Variants in GALNT13 observed in about 807,000 individuals in gnomAD.
The protein encoded by GALNT13 is UDP-GalNAc:polypeptide N-acetylgalactosaminyltransferase 13.
GALNT13 carries 28 observed loss-of-function variants against 64.2 expected under a neutral mutation model. The observed-to-expected ratio is 0.44, with a 90% CI of 0.32 to 0.60. The LOEUF (loss-of-function observed/expected upper bound fraction) is 0.60, where lower values mean the gene tolerates loss of function less well. Ranked by LOEUF, GALNT13 falls within the 20% of genes least tolerant of loss-of-function variation. GALNT13 has a pLI of 0.05. For synonymous variants in GALNT13, 214 were observed against 224.6 expected, an observed-to-expected ratio of 0.95 and a Z score of 0.42; for missense variants, 577 against 669.8, an observed-to-expected ratio of 0.86 and a Z score of 1.53.
At chr2:153,557,386 T>G in the GALNT13 span, among the ~76,000 whole-genome samples, 1 of 152,190 alleles carries the variant, frequency 6.6e-6, no homozygotes, top group African/African-American at 2.4e-5. Flanking sequence ...AAGTGACTCA[T>G]GACTGTACAC....
chr2:153,336,740 TG>T, the GALNT13 span, among the ~76,000 whole-genome samples: 1 of 152,236 alleles, frequency 6.6e-6, no homozygotes, highest in Admixed American at 6.5e-5. Flanking sequence ...AAGGCATGAT[TG>T]GTTTTAAAAA....
chr2:153,738,327 T>A, the GALNT13 span, among the ~76,000 whole-genome samples: 1 of 152,038 alleles, frequency 6.6e-6, no homozygotes, highest in Non-Finnish European at 1.5e-5. Flanking sequence ...GTGCTCCCCA[T>A]GTCCCAACAT....
intron 3 of GALNT13, among the ~76,000 whole-genome samples, chr2:154,089,058 A>G (rs945289484): frequency 6.6e-6 from 1 of 152,046 alleles, no homozygotes; most frequent in Non-Finnish European, 1.5e-5. Context: ...TGATACTCTC[A>G]TGGAGCTACT....
At chr2:153,867,768 A>G (rs528639604), upstream of GALNT13, among the ~76,000 whole-genome samples, 5 of 151,968 alleles carry the variant, frequency 3.3e-5, no homozygotes, top group South Asian at 1.0e-3. Context: ...AGATTCTCAT[A>G]AGGAGCACAA....
chr2:154,249,421 T>C (rs1205251241), intron 7 of GALNT13, among the ~76,000 whole-genome samples: 4 of 152,170 alleles, frequency 2.6e-5, no homozygotes, highest in African/African-American at 9.6e-5. Flanking sequence ...ACTACTAAAG[T>C]GGTGTGGACC....
chr2:154,414,507 A>G (rs563415283), intron 11 of GALNT13, among the ~76,000 whole-genome samples: 4 of 149,282 alleles, frequency 2.7e-5, no homozygotes, highest in African/African-American at 7.4e-5. Context: ...TGTGTATTAT[A>G]TTTTTTTTTT....
At chr2:154,157,614 C>T (rs1684496379) in intron 4 of GALNT13, among the ~76,000 whole-genome samples, 3 of 152,152 alleles carry the variant, frequency 2.0e-5, no homozygotes, top group South Asian at 2.1e-4. Context: ...GAATGCTTAT[C>T]GTGGATTTGT....
At chr2:154,020,006 C>T (rs1487201598) in intron 3 of GALNT13, among the ~76,000 whole-genome samples, 2 of 152,134 alleles carry the variant, frequency 1.3e-5, no homozygotes, top group Non-Finnish European at 2.9e-5. Context: ...CCATTTTCAT[C>T]CATGTCTCTA....
chr2:153,149,597 A>G, the GALNT13 span, among the ~76,000 whole-genome samples: 1 of 151,834 alleles, frequency 6.6e-6, no homozygotes, highest in Non-Finnish European at 1.5e-5. Flanking sequence ...CAATTTAGGA[A>G]TGTCACCATG....
chr2:154,315,950 T>A (rs1694296107), intron 9 of GALNT13, among the ~76,000 whole-genome samples: 1 of 152,092 alleles, frequency 6.6e-6, no homozygotes, highest in Non-Finnish European at 1.5e-5. Context: ...TAGCTGGGCG[T>A]GGTGGCACAA....
At chr2:153,096,058 A>G in the GALNT13 span, among the ~76,000 whole-genome samples, 2 of 151,914 alleles carry the variant, frequency 1.3e-5, no homozygotes, top group Non-Finnish European at 2.9e-5. Flanking sequence ...TAAATAAATA[A>G]ATAAATATAA....
chr2:153,408,886 G>A, the GALNT13 span, among the ~76,000 whole-genome samples: 3 of 152,280 alleles, frequency 2.0e-5, no homozygotes, highest in African/African-American at 7.2e-5. Context: ...GTCAGAGGCA[G>A]ATGCAACCTT....
At chr2:153,281,032 C>G in the GALNT13 span, among the ~76,000 whole-genome samples, 1 of 152,158 alleles carries the variant, frequency 6.6e-6, no homozygotes, top group Non-Finnish European at 1.5e-5. Flanking sequence ...TTTTATGGAT[C>G]TGGGTGCTCT....
chr2:153,267,803 T>G, the GALNT13 span, among the ~76,000 whole-genome samples: 1 of 152,076 alleles, frequency 6.6e-6, no homozygotes, highest in African/African-American at 2.4e-5. Context: ...AGAAAATGGG[T>G]TTTTCTTTTG....
chr2:153,625,600 C>A, the GALNT13 span, among the ~76,000 whole-genome samples: 2 of 152,134 alleles, frequency 1.3e-5, no homozygotes, highest in African/African-American at 4.8e-5. Context: ...CTGTTCTGTT[C>A]TGTTCATTGT....
At chr2:153,841,620 A>C in the GALNT13 span, among the ~76,000 whole-genome samples, 3 of 152,144 alleles carry the variant, frequency 2.0e-5, no homozygotes. Flanking sequence ...CTCATCCCAA[A>C]GCTGAAGTAC....
At chr2:154,329,155 G>C (rs1167981164) in intron 9 of GALNT13, among the ~76,000 whole-genome samples, 2 of 152,128 alleles carry the variant, frequency 1.3e-5, no homozygotes, top group Admixed American at 1.3e-4. Flanking sequence ...ACCCAGGCTA[G>C]AGTGCAATGG....
chr2:154,225,195 TAC>T (rs1688552104), intron 4 of GALNT13, among the ~76,000 whole-genome samples: 2 of 147,702 alleles, frequency 1.4e-5, no homozygotes, highest in East Asian at 2.1e-4. Flanking sequence ...GATAGATAGA[TAC>T]AGAGACTGAG....
chr2:153,158,306 C>A, the GALNT13 span, among the ~76,000 whole-genome samples: 15 of 151,986 alleles, frequency 9.9e-5, no homozygotes, highest in African/African-American at 3.6e-4. Flanking sequence ...ACAAAAATCT[C>A]TAAGGCTATG....
Sources: gnomAD v4.1 joint callset for allele counts (sites outside exome capture counted in the v4.1 genomes callset) on GRCh38, gnomAD v4.1.1 for gene constraint, MANE v1.5 for transcripts, NCBI Gene and HGNC (gene_info 2026-07-23, HGNC 2026-07-21) for gene names.